RPS6KA2: variants seen among roughly 807,000 people sequenced by gnomAD.
RPS6KA2 encodes ribosomal protein S6 kinase alpha-2.
A neutral mutation model predicts 91.8 loss-of-function variants in RPS6KA2; 42 were observed. That is an observed-to-expected ratio of 0.46 (90% CI 0.36 to 0.59). The LOEUF is 0.59. Ranked by LOEUF, RPS6KA2 falls within the 20% of genes least tolerant of loss-of-function variation. The pLI, the probability that RPS6KA2 is intolerant of heterozygous loss-of-function variation, is 0.00. For synonymous variants in RPS6KA2, 414 were observed against 393.6 expected (o/e 1.05, Z -0.61); for missense variants, 798 against 978.5 (o/e 0.82, Z 2.46).
chr6:166,594,516 G>A (rs538923093), intron 1 of RPS6KA2, among the ~76,000 whole-genome samples: 6 of 152,204 alleles, frequency 3.9e-5, no homozygotes, highest in African/African-American at 7.2e-5. Context: ...AGGCTGGAGT[G>A]CAGTGGCGCA....
chr6:166,860,685 C>T (rs1781026752), intron 1 of RPS6KA2, among the ~76,000 whole-genome samples: 2 of 152,198 alleles, frequency 1.3e-5, no homozygotes, highest in Admixed American at 1.3e-4. Flanking sequence ...CACCTTACAG[C>T]TTCAGCACAA....
At chr6:166,776,308 TGAG>T (rs1011461188) in intron 2 of RPS6KA2, among the ~76,000 whole-genome samples, 15 of 152,054 alleles carry the variant, frequency 9.9e-5, no homozygotes, top group African/African-American at 3.6e-4. Context: ...GCTCCAGAAA[TGAG>T]GAGGACTGGA....
At chr6:166,491,236 C>T (rs146827840) in intron 8 of RPS6KA2, among the ~76,000 whole-genome samples, 282 of 152,284 alleles carry the variant, frequency 1.9e-3, no homozygotes, top group African/African-American at 5.7e-3. Flanking sequence ...TAGCCTCTGA[C>T]GAGGACAATA....
At chr6:166,614,767 G>A (rs991416056) in intron 1 of RPS6KA2, among the ~76,000 whole-genome samples, 1 of 152,120 alleles carries the variant, frequency 6.6e-6, no homozygotes, top group Non-Finnish European at 1.5e-5. Flanking sequence ...CTCCACCCCT[G>A]TAACCTCTGC....
intron 1 of RPS6KA2, among the ~76,000 whole-genome samples, chr6:166,625,182 C>T (rs1786810194): frequency 1.3e-5 from 2 of 152,188 alleles, no homozygotes; most frequent in Admixed American, 1.3e-4. Context: ...GGATCTGGCA[C>T]ACAGGAAGCA....
intron 12 of RPS6KA2, among the ~76,000 whole-genome samples, chr6:166,455,550 C>T (rs1419831145): frequency 6.6e-6 from 1 of 152,174 alleles, no homozygotes; most frequent in Non-Finnish European, 1.5e-5. Context: ...TGACCAGAGT[C>T]GGCTGTGTTT....
intron 3 of RPS6KA2, among the ~76,000 whole-genome samples, chr6:166,528,206 G>A (rs11964912): frequency 0.2 from 29,809 of 152,178 alleles, 3,105 homozygotes; most frequent in African/African-American, 0.26. Flanking sequence ...TGAAGAGATA[G>A]CTGTAACTGA....
intron 2 of RPS6KA2, chr6:166,702,308 AG>A: frequency 6.2e-7 from 1 of 1,613,544 alleles, no homozygotes; most frequent in African/African-American, 1.3e-5. Flanking sequence ...CCTCTGCCCA[AG>A]CCCCCGGCGA....
chr6:166,421,055 C>T (rs1195697093), intron 17 of RPS6KA2, among the ~76,000 whole-genome samples: 1 of 152,142 alleles, frequency 6.6e-6, no homozygotes, highest in Non-Finnish European at 1.5e-5. Context: ...ATGGAGGGGA[C>T]CAGCCAGCGC....
At chr6:166,517,461 T>TTG (rs1782691629) in intron 3 of RPS6KA2, among the ~76,000 whole-genome samples, 1 of 52,908 alleles carries the variant, frequency 1.9e-5, no homozygotes, top group African/African-American at 5.3e-5. Context: ...TTTTGTTTTT[T>TTG]TTTTTTTTTT....
chr6:166,839,992 C>T (rs1780425156), intron 2 of RPS6KA2, among the ~76,000 whole-genome samples: 2 of 151,124 alleles, frequency 1.3e-5, no homozygotes, highest in Admixed American at 6.6e-5. Flanking sequence ...AGTATTATTC[C>T]ATATATATAT....
chr6:166,591,670 G>C (rs1437054830), intron 1 of RPS6KA2, among the ~76,000 whole-genome samples: 2 of 152,200 alleles, frequency 1.3e-5, no homozygotes, highest in African/African-American at 2.4e-5. Flanking sequence ...GCGTTGGAGA[G>C]AGCTTGGTCT....
At chr6:166,441,174 C>T (rs1779507705) in intron 14 of RPS6KA2, among the ~76,000 whole-genome samples, 1 of 152,134 alleles carries the variant, frequency 6.6e-6, no homozygotes. Context: ...TGCTTTCTTT[C>T]TTTTCTATTT....
In RPS6KA2 at chr6:166,563,365, G is replaced by C. The variant is rs760333687; in HGVS notation, c.100-24581C>G. Among the ~76,000 whole-genome samples, 1 of 152,184 alleles carries C rather than the reference G, an allele frequency of 6.6e-6. No homozygotes were observed. Among genetic ancestry groups the C allele is most frequent in the South Asian group, 2.1e-4 (1 of 4,834 alleles). ...TCTTTTCCGCAGCTCACCTGTTCCC[G>C]GCTTTTCCTCCCAGTCTCCTGGGCT... On this transcript the variant is annotated intron_variant, in intron 1 of 20. Transcript: ENST00000265678. The surrounding 1 kb of genome is among the most constrained non-coding windows in gnomAD (Gnocchi z 4.1).
At chr6:166,469,334 T>TTTG (rs1780667065) in intron 11 of RPS6KA2, among the ~76,000 whole-genome samples, 1 of 151,512 alleles carries the variant, frequency 6.6e-6, no homozygotes, top group Admixed American at 6.6e-5. Flanking sequence ...TTGTTTTTTT[T>TTTG]TTTTTTTTTT....
intron 2 of RPS6KA2, among the ~76,000 whole-genome samples, chr6:166,775,324 C>CTT (rs148391109): frequency 0.018 from 2,772 of 149,900 alleles, 139 homozygotes; most frequent in East Asian, 0.18. Context: ...GGGGGAGTCT[C>CTT]TAAGTGCCCA....
chr6:166,512,926 C>T (rs560428816), intron 3 of RPS6KA2, among the ~76,000 whole-genome samples: 4 of 152,228 alleles, frequency 2.6e-5, no homozygotes, highest in Admixed American at 2.0e-4. Context: ...CACTGCTCTG[C>T]CCATCCCTCT....
intron 13 of RPS6KA2, among the ~76,000 whole-genome samples, chr6:166,450,295 A>G (rs1779848655): frequency 6.9e-6 from 1 of 145,900 alleles, no homozygotes; most frequent in Admixed American, 6.8e-5. Context: ...GGGAACCACC[A>G]CGGGGACCAC....
chr6:166,484,271 G>A (rs1264770630), intron 10 of RPS6KA2, among the ~76,000 whole-genome samples: 2 of 152,154 alleles, frequency 1.3e-5, no homozygotes, highest in Non-Finnish European at 2.9e-5. Flanking sequence ...TGCGTGGTCC[G>A]AGAGCTGGAC....
Sources: gnomAD v4.1 joint callset for allele counts (sites outside exome capture counted in the v4.1 genomes callset) on GRCh38, gnomAD v4.1.1 for gene constraint, Gnocchi (gnomAD v3.1) non-coding constraint, MANE v1.5 for transcripts, NCBI Gene and HGNC (gene_info 2026-07-23, HGNC 2026-07-21) for gene names.